HTR7: variants seen among roughly 807,000 people sequenced by gnomAD.
The protein encoded by HTR7 is 5-HT-7.
HTR7 carries 16 observed loss-of-function variants against 34.0 expected under a neutral mutation model. The ratio of observed to expected loss-of-function variants is 0.47; its 90% CI spans 0.32 to 0.71. The LOEUF is 0.71. HTR7 is among the 30% of genes least tolerant of loss of function. The probability of loss-of-function intolerance (pLI) is 0.04; values close to 1 mark genes in which losing one functional copy is unlikely to be tolerated. For missense variants in HTR7, 504 were observed against 625.5 expected (o/e 0.81, Z 2.07); for synonymous variants, 265 against 260.2 (o/e 1.02, Z -0.18).
At chr10:90,835,061 C>T (rs1846233755) in intron 1 of HTR7, among the ~76,000 whole-genome samples, 1 of 152,212 alleles carries the variant, frequency 6.6e-6, no homozygotes, top group African/African-American at 2.4e-5. Flanking sequence ...GCGTCTGACT[C>T]ACCCAAGATG....
chr10:90,815,009 G>A (rs940820605), intron 1 of HTR7, among the ~76,000 whole-genome samples: 7 of 152,160 alleles, frequency 4.6e-5, no homozygotes, highest in Non-Finnish European at 7.4e-5. Flanking sequence ...AAAAGAAAGG[G>A]TAAAACGGTC....
intron 1 of HTR7, among the ~76,000 whole-genome samples, chr10:90,782,279 A>C (rs112323288): frequency 0.017 from 2,606 of 152,322 alleles, 86 homozygotes; most frequent in African/African-American, 0.058. Context: ...CAGAAGGCTT[A>C]ATCTTGAGCA....
At chr10:90,746,578 TA>T (rs1251798102) in intron 2 of HTR7, among the ~76,000 whole-genome samples, 1 of 152,140 alleles carries the variant, frequency 6.6e-6, no homozygotes, top group African/African-American at 2.4e-5. Flanking sequence ...TTTCCTGTGC[TA>T]AAAAATGCTG....
intron 1 of HTR7, among the ~76,000 whole-genome samples, chr10:90,816,712 A>T (rs933034457): frequency 2.6e-5 from 4 of 152,140 alleles, no homozygotes; most frequent in African/African-American, 9.7e-5. Context: ...GAATCTCCCT[A>T]ATTTGATATC....
intron 1 of HTR7, among the ~76,000 whole-genome samples, chr10:90,808,494 G>A (rs1478149151): frequency 6.6e-6 from 1 of 151,566 alleles, no homozygotes; most frequent in Non-Finnish European, 1.5e-5. Context: ...TTATGTCCAT[G>A]CCCCGACCTC....
chr10:90,774,721 C>A (rs757830497), intron 1 of HTR7, among the ~76,000 whole-genome samples: 63 of 152,174 alleles, frequency 4.1e-4, no homozygotes, highest in Non-Finnish European at 8.8e-5. Context: ...GGCCCCACAG[C>A]CCCAGGACCA....
chr10:90,847,034 T>C (rs1011470606), intron 1 of HTR7, among the ~76,000 whole-genome samples: 2 of 152,244 alleles, frequency 1.3e-5, no homozygotes, highest in African/African-American at 4.8e-5. Context: ...GAATGTTCCA[T>C]GTCTCCACTT....
rs544152280 is a variant in HTR7, at chr10:90,765,661, A to C, written c.540-16067T>G. On this transcript the variant is annotated intron_variant, in intron 1 of 3. Transcript: ENST00000336152. ...TTTTTTTCTTAACATGTAGGTGTTT[A>C]TTCCTATCCTTTCTCTTAGAAATAC... Among the ~76,000 whole-genome samples the C allele has an allele frequency of 1.1e-3, 170 of 151,606 alleles. 1 individual carries two copies. Among genetic ancestry groups the C allele is most frequent in the African/African-American group, 3.9e-3 (163 of 41,288 alleles).
chr10:90,771,624 T>G (rs1225192748), intron 1 of HTR7, among the ~76,000 whole-genome samples: 1 of 152,224 alleles, frequency 6.6e-6, no homozygotes, highest in African/African-American at 2.4e-5. Context: ...CTGACGCCCA[T>G]GCCAGCACCT....
chr10:90,777,075 G>T (rs1299165864), intron 1 of HTR7, among the ~76,000 whole-genome samples: 1 of 152,170 alleles, frequency 6.6e-6, no homozygotes, highest in South Asian at 2.1e-4. Flanking sequence ...TTTCCTCTGA[G>T]GGTCAGCAGG....
At chr10:90,784,057 T>C (rs1213350114) in intron 1 of HTR7, among the ~76,000 whole-genome samples, 1 of 152,232 alleles carries the variant, frequency 6.6e-6, no homozygotes, top group Non-Finnish European at 1.5e-5. Flanking sequence ...CAAGTCATAT[T>C]AAGTAGATGA....
chr10:90,804,098 C>T (rs533405454), intron 1 of HTR7, among the ~76,000 whole-genome samples: 34 of 152,144 alleles, frequency 2.2e-4, no homozygotes, highest in Admixed American at 2.2e-3. Flanking sequence ...GCATCAGAGA[C>T]TAGGAAAAGA....
At chr10:90,778,566 TTA>T (rs753740095) in intron 1 of HTR7, among the ~76,000 whole-genome samples, 2 of 152,204 alleles carry the variant, frequency 1.3e-5, no homozygotes, top group Non-Finnish European at 2.9e-5. Context: ...GTTTTAGGTA[TTA>T]TGTTACAAAC....
chr10:90,842,840 A>G (rs913524039), intron 1 of HTR7, among the ~76,000 whole-genome samples: 2 of 152,110 alleles, frequency 1.3e-5, no homozygotes, highest in Non-Finnish European at 2.9e-5. Context: ...AGACCTTCAC[A>G]TCACTGGCAG....
At chr10:90,776,559 T>A (rs1351617073) in intron 1 of HTR7, among the ~76,000 whole-genome samples, 1 of 152,248 alleles carries the variant, frequency 6.6e-6, no homozygotes, top group Non-Finnish European at 1.5e-5. Flanking sequence ...TTTGATTTAG[T>A]CATACAGGTA....
chr10:90,836,536 G>A (rs958102408), intron 1 of HTR7, among the ~76,000 whole-genome samples: 25 of 151,372 alleles, frequency 1.7e-4, no homozygotes, highest in African/African-American at 6.1e-4. Context: ...ATTTGAGACA[G>A]GGTCTTGCTC....
intron 1 of HTR7, among the ~76,000 whole-genome samples, chr10:90,800,060 A>G (rs910113341): frequency 6.6e-6 from 1 of 152,232 alleles, no homozygotes; most frequent in Non-Finnish European, 1.5e-5. Flanking sequence ...TGGCTAAGAT[A>G]ACACCATTAA....
At chr10:90,836,219 C>G (rs746617288) in intron 1 of HTR7, among the ~76,000 whole-genome samples, 13 of 152,012 alleles carry the variant, frequency 8.6e-5, no homozygotes, top group Non-Finnish European at 1.6e-4. Flanking sequence ...GATGGCATTC[C>G]CTGAAGCCTC....
intron 1 of HTR7, among the ~76,000 whole-genome samples, chr10:90,765,231 TTC>T (rs1384653194): frequency 1.3e-5 from 2 of 152,144 alleles, no homozygotes; most frequent in Non-Finnish European, 2.9e-5. Flanking sequence ...TGTTCAGATT[TTC>T]TCTTTCTTCC....
Sources: gnomAD v4.1 joint callset for allele counts (sites outside exome capture counted in the v4.1 genomes callset) on GRCh38, gnomAD v4.1.1 for gene constraint, MANE v1.5 for transcripts, NCBI Gene and HGNC (gene_info 2026-07-23, HGNC 2026-07-21) for gene names.